Variants in AGAP1 observed in about 807,000 individuals in gnomAD.
The protein encoded by AGAP1 is ArfGAP with GTPase domain, ankyrin repeat and PH domain 1.
A neutral mutation model predicts 105.3 loss-of-function variants in AGAP1; 29 were observed. The ratio of observed to expected loss-of-function variants is 0.28; its 90% CI spans 0.21 to 0.38. The LOEUF is 0.38. AGAP1 is among the 10% of genes least tolerant of loss of function. AGAP1 has a pLI of 1.00. For missense variants in AGAP1, 998 were observed against 1,165.1 expected, an observed-to-expected ratio of 0.86 and a Z score of 2.09; for synonymous variants, 509 against 485.9, an observed-to-expected ratio of 1.05 and a Z score of -0.63.
intron 13 of AGAP1, among the ~76,000 whole-genome samples, chr2:235,990,828 A>G (rs772089677): frequency 7.2e-5 from 11 of 152,352 alleles, no homozygotes; most frequent in Non-Finnish European, 1.3e-4. Context: ...GTAATTTGCA[A>G]CAGTAAATAA....
At chr2:235,980,629 A>G (rs773044316) in intron 13 of AGAP1, among the ~76,000 whole-genome samples, 38 of 152,110 alleles carry the variant, frequency 2.5e-4, no homozygotes, top group Non-Finnish European at 1.2e-4. Flanking sequence ...CTTTGAGGAG[A>G]TCTGGCGGTT....
chr2:235,693,161 C>G (rs1241597156), intron 1 of AGAP1, among the ~76,000 whole-genome samples: 1 of 152,154 alleles, frequency 6.6e-6, no homozygotes, highest in Non-Finnish European at 1.5e-5. Context: ...TGCAGTGCCT[C>G]TTGAGCTCCC....
chr2:235,545,602 G>A (rs11687781), intron 1 of AGAP1, among the ~76,000 whole-genome samples: 20,765 of 152,192 alleles, frequency 0.14, 1,592 homozygotes, highest in East Asian at 0.31. Flanking sequence ...GCCCGTGGGC[G>A]TCACTGCCCT....
At chr2:236,047,877 C>T (rs1317507156) in intron 15 of AGAP1, among the ~76,000 whole-genome samples, 1 of 151,958 alleles carries the variant, frequency 6.6e-6, no homozygotes, top group African/African-American at 2.4e-5. Flanking sequence ...GCTGGGATTA[C>T]AGGCATGAGC....
In AGAP1 at chr2:236,065,669, C is replaced by T. The variant is rs1039423015; in HGVS notation, c.2114+16388C>T. On this transcript the variant is annotated intron_variant, in intron 16 of 17. Coordinates refer to ENST00000304032, the MANE Select transcript of AGAP1 (RefSeq NM_001037131.3). The stretch of plus-strand genomic sequence containing the variant: ...GCTTCCTAAGGCAAGCGAGTGGGGT[C>T]CCATTGTTGCCGGAACACATCATCT... Among the ~76,000 whole-genome samples, 7 of 152,198 alleles carry T rather than the reference C, an allele frequency of 4.6e-5. 1 individual carries two copies. In the South Asian group the frequency reaches 1.5e-3, roughly 32 times the overall value.
At chr2:235,704,474 C>T (rs1165521226) in intron 1 of AGAP1, among the ~76,000 whole-genome samples, 2 of 152,086 alleles carry the variant, frequency 1.3e-5, no homozygotes, top group East Asian at 1.9e-4. Flanking sequence ...GGTGAAACCC[C>T]GTCTCTACTA....
At position 235,963,177 on chromosome 2, in the gene AGAP1, C is replaced by A. The variant is rs1355896362; in HGVS notation, c.1484-5285C>A. ...GTGAGTCCGGGATTTCTCGGACTCA[C>A]CAAGAGAATTATAAATATTGCAAGA... On this transcript the variant is annotated intron_variant, in intron 12 of 17. Transcript: ENST00000304032. The surrounding 1 kb of genome is among the most constrained non-coding windows in gnomAD (Gnocchi z 5.1). 6.6e-6 allele frequency among the ~76,000 whole-genome samples: 1 copy of A among 151,952 alleles called. No homozygotes were observed. The highest frequency in any genetic ancestry group is 6.6e-5 in the Admixed American group (1 of 15,250).
At position 235,769,165 on chromosome 2, in the gene AGAP1, G is replaced by A. The variant is rs954897233; in HGVS notation, c.673+18677G>A. On this transcript the variant is annotated intron_variant, in intron 6 of 17. Transcript: ENST00000304032. The surrounding 1 kb of genome is among the most constrained non-coding windows in gnomAD (Gnocchi z 4.4). ...CTTAGTGCCCGTCCCCCGTAGCTCC[G>A]TCACACAGTCCTGTTGCTGCTACCT... 2.0e-5 allele frequency among the ~76,000 whole-genome samples: 3 copies of A among 152,026 alleles called. No individual in the cohort carries two copies. Among genetic ancestry groups the A allele is most frequent in the Non-Finnish European group, 2.9e-5 (2 of 68,010 alleles).
At position 236,101,825 on chromosome 2, in the gene AGAP1, A is replaced by G. The variant is rs116704220; in HGVS notation, c.2115-18367A>G. Among the ~76,000 whole-genome samples the G allele has an allele frequency of 6.8e-3, 1,041 of 152,340 alleles. 10 individuals are homozygous for G. The highest frequency in any genetic ancestry group is 0.023 in the African/African-American group (974 of 41,576). On this transcript the variant is annotated intron_variant, in intron 16 of 17. Transcript: ENST00000304032. The surrounding 1 kb of genome is among the most constrained non-coding windows in gnomAD (Gnocchi z 4.9). ...TGGCTCGGGCTCCCTCTCACTGGGT[A>G]CACATTTATCGGGATTTATGCTTTA...
At position 236,105,672 on chromosome 2, in the gene AGAP1, TCACGCCA is replaced by T. The variant is rs2059469459; in HGVS notation, c.2115-14519_2115-14513del. Among the ~76,000 whole-genome samples, 1 of 59,140 alleles carries T rather than the reference TCACGCCA, an allele frequency of 1.7e-5. No individual in the cohort carries two copies. The highest frequency in any genetic ancestry group is 4.5e-5 in the Non-Finnish European group (1 of 22,284). The allele number at this position is 59,140 out of a possible 152,430, so 38.8% of individuals were successfully genotyped here. ...CCGGGTTCACACCATTCTCCCGCGT[TCACGCCA>T]TTCTCCCGCGTTCACGCCATTCTCC... On this transcript the variant is annotated intron_variant, in intron 16 of 17. Coordinates refer to ENST00000304032, the MANE Select transcript of AGAP1 (RefSeq NM_001037131.3). The surrounding 1 kb of genome is among the most constrained non-coding windows in gnomAD (Gnocchi z 4.2).
At chr2:235,686,556 T>TACACACACACACACACAC (rs10700794) in intron 1 of AGAP1, among the ~76,000 whole-genome samples, 1 of 101,826 alleles carries the variant, frequency 9.8e-6, no homozygotes, top group African/African-American at 4.1e-5. Context: ...GATATATATA[T>TACACACACACACACACAC]ACACACACAC....
At chr2:235,563,509 C>G (rs996692069) in intron 1 of AGAP1, among the ~76,000 whole-genome samples, 3 of 149,472 alleles carry the variant, frequency 2.0e-5, no homozygotes, top group Non-Finnish European at 4.4e-5. Flanking sequence ...ATCCAGGGTC[C>G]TCAGCACACA....
chr2:235,541,279 T>C (rs1292728952), intron 1 of AGAP1, among the ~76,000 whole-genome samples: 1 of 151,970 alleles, frequency 6.6e-6, no homozygotes, highest in Non-Finnish European at 1.5e-5. Flanking sequence ...CAAGAACCTT[T>C]GAAGCATCTT....
In AGAP1 at chr2:235,721,093, TG is replaced by T. The variant is rs1951357603; in HGVS notation, c.310+3450del. Among the ~76,000 whole-genome samples, 1 of 152,176 alleles carries T rather than the reference TG, an allele frequency of 6.6e-6. No homozygotes were observed. Among genetic ancestry groups the T allele is most frequent in the Admixed American group, 6.6e-5 (1 of 15,266 alleles). ...CGTGATCTCAGCTCACTCCAACCTC[TG>T]CCTCCAGGATTCAAGTGATCCTCCT... On this transcript the variant is annotated intron_variant, in intron 3 of 17. Coordinates refer to ENST00000304032, the MANE Select transcript of AGAP1 (RefSeq NM_001037131.3). This position sits in a 1 kb window ranked among gnomAD's most constrained non-coding sequence, Gnocchi z 4.5.
At chr2:235,795,304 T>C (rs1480056628) in intron 6 of AGAP1, among the ~76,000 whole-genome samples, 1 of 152,190 alleles carries the variant, frequency 6.6e-6, no homozygotes, top group Non-Finnish European at 1.5e-5. Context: ...GCCCAGAGAT[T>C]CCACCCCGTC....
At chr2:235,775,321 T>C (rs1955780928) in intron 6 of AGAP1, among the ~76,000 whole-genome samples, 11 of 152,220 alleles carry the variant, frequency 7.2e-5, no homozygotes, top group Admixed American at 5.9e-4. Flanking sequence ...GGTGCCCTGA[T>C]GACTGAAAGA....
chr2:236,121,580 T>C lies in AGAP1; in HGVS notation c.2370+1133T>C, dbSNP rs2059900599. On this transcript the variant is annotated intron_variant, in intron 17 of 17. Transcript: ENST00000304032. This position sits in a 1 kb window ranked among gnomAD's most constrained non-coding sequence, Gnocchi z 4.9. ...TCCCAAAGTGCTGGGAGTACAGGCA[T>C]GACCCACCACGCCCAGCCTTGATCT... is the stretch of plus-strand genomic sequence containing the variant. Among the ~76,000 whole-genome samples, 1 of 152,058 alleles carries C rather than the reference T, an allele frequency of 6.6e-6. No individual in the cohort carries two copies. The highest frequency in any genetic ancestry group is 2.1e-4 in the South Asian group (1 of 4,812).
chr2:235,956,790 C>T lies in AGAP1; in HGVS notation c.1484-11672C>T, dbSNP rs185490761. ...TCCTGGTAGGTGGCTGGAGGCCAGACAGCCACGTCCATTTGTTCATCCAGA... is the reference window on the plus strand; with the variant it reads ...TCCTGGTAGGTGGCTGGAGGCCAGATAGCCACGTCCATTTGTTCATCCAGA... On this transcript the variant is annotated intron_variant, in intron 12 of 17. Transcript: ENST00000304032. Among the ~76,000 whole-genome samples, 12 of 152,356 alleles carry T rather than the reference C, an allele frequency of 7.9e-5. No individual in the cohort carries two copies. In the East Asian group the frequency reaches 2.3e-3, roughly 29 times the overall value.
rs572180808 is a variant in AGAP1 at position 235,964,787 on chromosome 2, T to C, written c.1484-3675T>C. The stretch of plus-strand genomic sequence containing the variant: ...CAGTATTGTAAAATCATGGGACAGC[T>C]TAAAAGGTGAAAGTCTGGGAGGAGA... On this transcript the variant is annotated intron_variant, in intron 12 of 17. Coordinates refer to ENST00000304032, the MANE Select transcript of AGAP1 (RefSeq NM_001037131.3). The surrounding 1 kb of genome is among the most constrained non-coding windows in gnomAD (Gnocchi z 4.6). Among the ~76,000 whole-genome samples, 5 of 152,216 alleles carry C rather than the reference T, an allele frequency of 3.3e-5. 1 individual carries two copies. In the South Asian group the frequency reaches 8.3e-4, roughly 25 times the overall value.
Sources: allele counts gnomAD v4.1 joint callset (sites outside exome capture counted in the v4.1 genomes callset), GRCh38; gene constraint gnomAD v4.1.1; non-coding constraint Gnocchi (gnomAD v3.1); transcripts MANE v1.5; gene names NCBI Gene and HGNC (gene_info 2026-07-23, HGNC 2026-07-21).